Variants in GOLGA8B observed in about 807,000 individuals in gnomAD.
The protein encoded by GOLGA8B is golgin A8 family member B, also known as golgin subfamily A member 8B.
A neutral mutation model predicts 15.6 loss-of-function variants in GOLGA8B; 1 was observed. The ratio of observed to expected loss-of-function variants is 0.06; its 90% CI spans 0.02 to 0.30. The LOEUF is 0.30. GOLGA8B is among the 10% of genes least tolerant of loss of function. The probability of loss-of-function intolerance (pLI) is 1.00; values close to 1 mark genes in which losing one functional copy is unlikely to be tolerated. For missense variants in GOLGA8B, 17 were observed against 201.3 expected (o/e 0.08, Z 5.54); for synonymous variants, 9 against 80.3 (o/e 0.11, Z 4.75).
chr15:34,549,171 A>T (rs951702380), intron 4 of GOLGA8B, among the ~76,000 whole-genome samples: 1 of 90,036 alleles, frequency 1.1e-5, no homozygotes. Flanking sequence ...ATTTCGATGG[A>T]CCTATAAAAA....
rs1294979835 is a variant in GOLGA8B at position 34,526,193 on chromosome 15, CAT to C, written c.*1437_*1438del. The C allele has an allele frequency of 1.3e-5, 2 of 149,984 alleles. 1 individual carries two copies. Among genetic ancestry groups the C allele is most frequent in the Non-Finnish European group, 3.0e-5 (2 of 67,270 alleles). 9.3% of individuals were successfully genotyped at this position (149,984 alleles called of 1,614,324 possible). A position where few individuals can be genotyped will look rare whatever the true frequency, so the allele number is the denominator to read the frequency against. On this transcript the variant is annotated 3_prime_UTR_variant, in exon 24 of 24. Coordinates refer to ENST00000683415, the MANE Select transcript of GOLGA8B (RefSeq NM_001023567.5). ...AAATACAACTCTGCGATCGTATAGA[CAT>C]GTTTCCTGATAATACATTGACATTC... is the stretch of plus-strand genomic sequence containing the variant.
chr15:34,554,077 C>CTTGT (rs1227135738), intron 1 of GOLGA8B, 121 bp from the exon 2 acceptor site: 4 of 141,230 alleles, frequency 2.8e-5, no homozygotes, highest in Admixed American at 1.4e-4. Flanking sequence ...GTAGGACAGT[C>CTTGT]CCCACTTGGC....
intron 5 of GOLGA8B, among the ~76,000 whole-genome samples, 191 bp from the exon 6 acceptor site, chr15:34,545,617 A>AT (rs1405740814): frequency 1.2e-5 from 1 of 82,632 alleles, no homozygotes; most frequent in Non-Finnish European, 2.2e-5. Context: ...CTCTCATGTA[A>AT]TTGCTCTGAA....
intron 1 of GOLGA8B, among the ~76,000 whole-genome samples, chr15:34,575,295 C>T (rs1253956712): frequency 6.6e-6 from 1 of 151,304 alleles, no homozygotes; most frequent in Non-Finnish European, 1.5e-5. Flanking sequence ...CTCCCCACCC[C>T]ATGTCACATC....
At chr15:34,582,519 G>A (rs1293238347) in intron 1 of GOLGA8B, among the ~76,000 whole-genome samples, 3 of 152,258 alleles carry the variant, frequency 2.0e-5, no homozygotes, top group African/African-American at 4.8e-5. Flanking sequence ...GCCCGTTTAA[G>A]AGCTGACTGC....
At position 34,575,184 on chromosome 15, in the gene GOLGA8B, T is replaced by C. The variant is rs868238395; in HGVS notation, c.-1123+8332A>G. Among the ~76,000 whole-genome samples, 248 of 150,878 alleles carry C rather than the reference T, an allele frequency of 1.6e-3. 1 individual carries two copies. The highest frequency in any genetic ancestry group is 5.3e-3 in the South Asian group (25 of 4,750). ...ACTTGGCATCAGCTGCCACCTCCTA[T>C]AGAACCCAGTGGGGAGTGGGCTCCA... On this transcript the variant is annotated intron_variant, in intron 1 of 23. Transcript: ENST00000683415.
chr15:34,583,060 A>T (rs1889288748), intron 1 of GOLGA8B, among the ~76,000 whole-genome samples: 1 of 152,090 alleles, frequency 6.6e-6, no homozygotes. Flanking sequence ...GGGGAAGCGA[A>T]CCCAGAGGCG....
chr15:34,554,158 T>G (rs1190163433), intron 1 of GOLGA8B, among the ~76,000 whole-genome samples: 2 of 129,596 alleles, frequency 1.5e-5, no homozygotes, highest in East Asian at 5.2e-4. Flanking sequence ...AGACTATAGG[T>G]TCATGTTAGT....
chr15:34,526,862 A>G lies in GOLGA8B; in HGVS notation c.*770T>C, dbSNP rs141780192. On this transcript the variant is annotated 3_prime_UTR_variant, in exon 24 of 24. Coordinates refer to ENST00000683415, the MANE Select transcript of GOLGA8B (RefSeq NM_001023567.5). ...TGCAACTGCTGCAGCTCACGATGCA[A>G]TATCTTCATGAGCCCAGAGCACATA... The G allele has an allele frequency of 0.16, 24,396 of 148,992 alleles. 3,854 individuals carry two copies. Among genetic ancestry groups the G allele is most frequent in the Admixed American group, 0.28 (4,059 of 14,640 alleles). The allele number at this position is 148,992 out of a possible 1,614,324, so 9.2% of individuals were successfully genotyped here.
intron 1 of GOLGA8B, among the ~76,000 whole-genome samples, chr15:34,575,913 C>T (rs1439701107): frequency 6.6e-6 from 1 of 152,176 alleles, no homozygotes; most frequent in East Asian, 1.9e-4. Context: ...TTGGAAAATA[C>T]CTACTGAGTG....
Position 34,526,005 on chromosome 15 carries a change from C to A in GOLGA8B, c.*1627G>T, listed in dbSNP as rs1056971003. The A allele has an allele frequency of 6.7e-6, 1 of 149,336 alleles. No homozygotes were observed. The highest frequency in any genetic ancestry group is 2.5e-5 in the African/African-American group (1 of 40,344). 9.3% of individuals were successfully genotyped at this position (149,336 alleles called of 1,614,324 possible). A position where few individuals can be genotyped will look rare whatever the true frequency, so the allele number is the denominator to read the frequency against. On this transcript the variant is annotated 3_prime_UTR_variant, in exon 24 of 24. Coordinates refer to ENST00000683415, the MANE Select transcript of GOLGA8B (RefSeq NM_001023567.5). Reference sequence around the variant, plus strand: ...CTTCATGAAGTTTTAACTGTTGATTCTTTCCCAAGCATCATCAAGTTATGA... The same window carrying A: ...CTTCATGAAGTTTTAACTGTTGATTATTTCCCAAGCATCATCAAGTTATGA...
rs73381958 is a variant in GOLGA8B, at chr15:34,576,001, G to C, written c.-1123+7515C>G. Reference sequence around the variant, plus strand: ...AAGTGAAGGGTACCTGCTCCCGGTTGTACCACTGCAGAGTCCCTGAGTGTC... The same window carrying C: ...AAGTGAAGGGTACCTGCTCCCGGTTCTACCACTGCAGAGTCCCTGAGTGTC... On this transcript the variant is annotated intron_variant, in intron 1 of 23. Coordinates refer to ENST00000683415, the MANE Select transcript of GOLGA8B (RefSeq NM_001023567.5). Among the ~76,000 whole-genome samples the C allele has an allele frequency of 1.1e-4, 17 of 152,244 alleles. 1 individual carries two copies. The highest frequency in any genetic ancestry group is 9.2e-4 in the Admixed American group (14 of 15,286).
In GOLGA8B at chr15:34,563,690, C is replaced by T. The variant is rs1485335530; in HGVS notation, c.-1122-9734G>A. 4.6e-5 allele frequency among the ~76,000 whole-genome samples: 7 copies of T among 152,082 alleles called. No homozygotes were observed. In the East Asian group the frequency reaches 1.4e-3, roughly 29 times the overall value. On this transcript the variant is annotated intron_variant, in intron 1 of 23. Transcript: ENST00000683415. The stretch of plus-strand genomic sequence containing the variant: ...CAGTTTTCCTTCTGTAAGACACCTG[C>T]AACCTGTGTTTTTCACAGAATAGAC...
Position 34,574,163 on chromosome 15 carries a change from G to C in GOLGA8B, c.-1123+9353C>G, listed in dbSNP as rs145165142. ...TGGGAAGTCTCTGAAATTCAGGTTT[G>C]GGAAATCAGTTGACATGAACCACAA... On this transcript the variant is annotated intron_variant, in intron 1 of 23. Coordinates refer to ENST00000683415, the MANE Select transcript of GOLGA8B (RefSeq NM_001023567.5). Among the ~76,000 whole-genome samples, 714 of 152,162 alleles carry C rather than the reference G, an allele frequency of 4.7e-3. 4 individuals are homozygous for C. Among genetic ancestry groups the C allele is most frequent in the South Asian group, 0.014 (68 of 4,814 alleles).
chr15:34,525,188 A>G lies in GOLGA8B; in HGVS notation c.*2444T>C, dbSNP rs534970822. On this transcript the variant is annotated 3_prime_UTR_variant, in exon 24 of 24. Coordinates refer to ENST00000683415, the MANE Select transcript of GOLGA8B (RefSeq NM_001023567.5). The stretch of plus-strand genomic sequence containing the variant: ...TTGTGAAAATGAAACAGATTATCTC[A>G]TGCCAAGCATGCCCAGTATTTGCAC... 1 of 150,046 alleles carries G rather than the reference A, an allele frequency of 6.7e-6. No individual in the cohort carries two copies. Among genetic ancestry groups the G allele is most frequent in the South Asian group, 2.1e-4 (1 of 4,676 alleles). The allele number at this position is 150,046 out of a possible 1,614,324, so 9.3% of individuals were successfully genotyped here.
At position 34,583,419 on chromosome 15, in the gene GOLGA8B, C is replaced by A. The variant is rs368179414; in HGVS notation, c.-1123+97G>T. 1.4e-4 allele frequency: 22 copies of A among 151,830 alleles called. 1 individual carries two copies. The East Asian group carries it at 4.3e-3, about 30-fold the overall frequency. The allele number at this position is 151,830 out of a possible 1,614,324, so 9.4% of individuals were successfully genotyped here. ...CTCGGGAGCTCTTGGCCTGCAGCTT[C>A]CGCGCCGCCCCCCACGCGTCGGGGT... On this transcript the variant is annotated intron_variant, in intron 1 of 23. Coordinates refer to ENST00000683415, the MANE Select transcript of GOLGA8B (RefSeq NM_001023567.5).
intron 1 of GOLGA8B, among the ~76,000 whole-genome samples, chr15:34,582,184 G>A (rs1430792903): frequency 6.6e-6 from 1 of 152,134 alleles, no homozygotes; most frequent in Non-Finnish European, 1.5e-5. Context: ...CTGTCCCCCT[G>A]CGTAGTGGCC....
intron 1 of GOLGA8B, among the ~76,000 whole-genome samples, chr15:34,569,568 T>C (rs1218143050): frequency 6.6e-6 from 1 of 151,764 alleles, no homozygotes; most frequent in East Asian, 1.9e-4. Context: ...CATCAGTACC[T>C]TCATGCAAAA....
In GOLGA8B at chr15:34,546,986, T is replaced by C. The variant is rs1338425858; in HGVS notation, c.-574-4A>G. ...CAGTTGACAACGACAACAGTTTCTA[T>C]ATAACAAAAGTGAGAGAAAATACTG... On this transcript the variant is annotated splice_region_variant and splice_polypyrimidine_tract_variant and intron_variant, in intron 4 of 23. Transcript: ENST00000683415. The C allele has an allele frequency of 1.9e-5, 2 of 107,480 alleles. No homozygotes were observed. The highest frequency in any genetic ancestry group is 4.4e-5 in the African/African-American group (1 of 22,824). The allele number at this position is 107,480 out of a possible 1,614,324, so 6.7% of individuals were successfully genotyped here. A position where few individuals can be genotyped will look rare whatever the true frequency, so the allele number is the denominator to read the frequency against.
Sources: allele counts gnomAD v4.1 joint callset (sites outside exome capture counted in the v4.1 genomes callset), GRCh38; gene constraint gnomAD v4.1.1; transcripts MANE v1.5; gene names NCBI Gene and HGNC (gene_info 2026-07-23, HGNC 2026-07-21).